The following TENM3 variants were observed in gnomAD, a reference collection of about 807,000 sequenced individuals.
TENM3 encodes the protein teneurin-3.
A neutral mutation model predicts 255.1 loss-of-function variants in TENM3; 63 were observed. That is an observed-to-expected ratio of 0.25 (90% CI 0.20 to 0.30). The LOEUF (loss-of-function observed/expected upper bound fraction) is 0.30. Among genes scored for constraint, TENM3 ranks in the 10% least tolerant of loss-of-function variants. TENM3 has a pLI of 1.00. For missense variants in TENM3, 2,929 were observed against 3,461.1 expected, an observed-to-expected ratio of 0.85 and a Z score of 3.86; for synonymous variants, 1,306 against 1,322.3, an observed-to-expected ratio of 0.99 and a Z score of 0.27.
At chr4:182,063,302 C>G in the TENM3 span, among the ~76,000 whole-genome samples, 1 of 152,190 alleles carries the variant, frequency 6.6e-6, no homozygotes, top group African/African-American at 2.4e-5. Flanking sequence ...ATGCTGACTA[C>G]TTCTGTAAAT....
the TENM3 span, among the ~76,000 whole-genome samples, chr4:181,851,324 G>A: frequency 6.6e-6 from 1 of 152,040 alleles, no homozygotes; most frequent in African/African-American, 2.4e-5. Flanking sequence ...CAACATAGTC[G>A]ATTGTAGCAC....
chr4:181,674,817 TTAAC>T, the TENM3 span, among the ~76,000 whole-genome samples: 1 of 152,122 alleles, frequency 6.6e-6, no homozygotes, highest in Non-Finnish European at 1.5e-5. Context: ...TAAAATATAA[TTAAC>T]AGAATTTTTG....
chr4:182,568,018 T>C (rs1292450551), intron 3 of TENM3, among the ~76,000 whole-genome samples: 1 of 152,162 alleles, frequency 6.6e-6, no homozygotes, highest in Non-Finnish European at 1.5e-5. Flanking sequence ...ATGAGTTCAG[T>C]ATTGTCCTTT....
chr4:181,951,206 G>A, the TENM3 span, among the ~76,000 whole-genome samples: 18 of 152,124 alleles, frequency 1.2e-4, 1 homozygote, highest in Admixed American at 9.8e-4. Context: ...TCATTCTTCA[G>A]TGTCTTACTT....
the TENM3 span, among the ~76,000 whole-genome samples, chr4:181,852,193 T>G: frequency 6.6e-6 from 1 of 152,206 alleles, no homozygotes; most frequent in South Asian, 2.1e-4. Flanking sequence ...TAAATAAAAG[T>G]GGGACACTAA....
At chr4:181,771,430 GA>G in the TENM3 span, among the ~76,000 whole-genome samples, 1 of 152,132 alleles carries the variant, frequency 6.6e-6, no homozygotes, top group Non-Finnish European at 1.5e-5. Context: ...AAGGGTTGAA[GA>G]AAAAAAGCAA....
At chr4:182,051,378 CTT>C in the TENM3 span, among the ~76,000 whole-genome samples, 126 of 129,554 alleles carry the variant, frequency 9.7e-4, 13 homozygotes, top group East Asian at 1.6e-3. Flanking sequence ...TTTTTCCTCT[CTT>C]TTTTTTTTTT....
At chr4:182,737,469 T>C (rs1761255659) in intron 17 of TENM3, among the ~76,000 whole-genome samples, 1 of 152,218 alleles carries the variant, frequency 6.6e-6, no homozygotes, top group Non-Finnish European at 1.5e-5. Flanking sequence ...TAATGTAGTT[T>C]CAGTGCATAC....
intron 13 of TENM3, among the ~76,000 whole-genome samples, chr4:182,714,542 G>A (rs1427546869): frequency 1.3e-5 from 2 of 152,118 alleles, no homozygotes; most frequent in Non-Finnish European, 2.9e-5. Flanking sequence ...AGTATTTAGG[G>A]CTCTGTGAAT....
intron 1 of TENM3, among the ~76,000 whole-genome samples, chr4:182,167,805 A>G (rs2149678695): frequency 6.6e-6 from 1 of 152,228 alleles, no homozygotes; most frequent in Middle Eastern, 3.4e-3. Context: ...GAATCACTTG[A>G]GCCCAGGAGG....
At chr4:181,714,480 C>T in the TENM3 span, among the ~76,000 whole-genome samples, 1 of 152,184 alleles carries the variant, frequency 6.6e-6, no homozygotes, top group Non-Finnish European at 1.5e-5. Flanking sequence ...AAAAGAAAAC[C>T]TCAGGCTCAC....
chr4:181,793,078 C>T, the TENM3 span, among the ~76,000 whole-genome samples: 4 of 152,112 alleles, frequency 2.6e-5, no homozygotes, highest in African/African-American at 9.7e-5. Flanking sequence ...GATTTTACTT[C>T]TTCCAATGAA....
At chr4:182,075,268 C>T in the TENM3 span, among the ~76,000 whole-genome samples, 12 of 143,166 alleles carry the variant, frequency 8.4e-5, no homozygotes, top group East Asian at 1.0e-3. Flanking sequence ...ATGCAGTCTC[C>T]GCTCACTGCA....
the TENM3 span, among the ~76,000 whole-genome samples, chr4:181,644,499 A>C: frequency 6.6e-6 from 1 of 151,840 alleles, no homozygotes; most frequent in Admixed American, 6.6e-5. Flanking sequence ...AATCAAATTC[A>C]TACCCCATGC....
chr4:182,734,976 G>T (rs1375505335), intron 16 of TENM3, among the ~76,000 whole-genome samples: 1 of 152,130 alleles, frequency 6.6e-6, no homozygotes, highest in African/African-American at 2.4e-5. Context: ...ATGGGCTTTA[G>T]GGTTAAATCA....
the TENM3 span, among the ~76,000 whole-genome samples, chr4:182,035,840 A>G: frequency 1.3e-5 from 2 of 152,166 alleles, no homozygotes; most frequent in Non-Finnish European, 2.9e-5. Flanking sequence ...GATGAAAATC[A>G]AAATCCTAAT....
chr4:182,151,705 A>G (rs1160020843), intron 1 of TENM3, among the ~76,000 whole-genome samples: 2 of 152,066 alleles, frequency 1.3e-5, no homozygotes, highest in Non-Finnish European at 2.9e-5. Flanking sequence ...AAACAAAAGC[A>G]TCTTGGGCAG....
intron 1 of TENM3, among the ~76,000 whole-genome samples, chr4:182,198,759 G>A (rs1047619474): frequency 6.6e-6 from 1 of 152,156 alleles, no homozygotes; most frequent in Admixed American, 6.5e-5. Flanking sequence ...CTGAAGACCC[G>A]ATGATGAAGG....
At chr4:182,698,957 C>T (rs1363492432) in intron 12 of TENM3, among the ~76,000 whole-genome samples, 2 of 152,178 alleles carry the variant, frequency 1.3e-5, no homozygotes, top group African/African-American at 2.4e-5. Flanking sequence ...TGGGTGAATA[C>T]ATCTGGATTT....
Sources: allele counts gnomAD v4.1 joint callset (sites outside exome capture counted in the v4.1 genomes callset), GRCh38; gene constraint gnomAD v4.1.1; transcripts MANE v1.5; gene names NCBI Gene and HGNC (gene_info 2026-07-23, HGNC 2026-07-21).